PRUNE2: variants seen among roughly 807,000 people sequenced by gnomAD.
The protein encoded by PRUNE2 is protein prune homolog 2.
In PRUNE2, 164 loss-of-function variants were observed where a neutral mutation model predicts 252.0. The ratio of observed to expected loss-of-function variants is 0.65; its 90% CI spans 0.57 to 0.74. PRUNE2 has a LOEUF of 0.74. Among genes scored for constraint, PRUNE2 ranks in the 30% least tolerant of loss-of-function variants. PRUNE2 has a pLI of 0.00. For synonymous variants in PRUNE2, 1,292 were observed against 1,350.2 expected (o/e 0.96, Z 0.94); for missense variants, 3,495 against 3,711.0 (o/e 0.94, Z 1.51).
At chr9:76,637,707 T>C (rs114345171) in intron 13 of PRUNE2, among the ~76,000 whole-genome samples, 158 bp from the exon 14 acceptor site, 4,384 of 152,290 alleles carry the variant, frequency 0.029, 228 homozygotes, top group African/African-American at 0.1. Flanking sequence ...AGCATTCCTC[T>C]GAGAGTATTA....
At chr9:76,768,162 C>G (rs2052632370) in intron 6 of PRUNE2, among the ~76,000 whole-genome samples, 1 of 152,016 alleles carries the variant, frequency 6.6e-6, no homozygotes, top group Non-Finnish European at 1.5e-5. Context: ...TTGGCTATAC[C>G]TTGCCCTTGA....
chr9:76,656,485 G>A (rs751448014), intron 9 of PRUNE2, among the ~76,000 whole-genome samples: 9 of 152,044 alleles, frequency 5.9e-5, no homozygotes, highest in Non-Finnish European at 1.3e-4. Flanking sequence ...ACTATGTAAC[G>A]CTGGATCTAC....
intron 6 of PRUNE2, among the ~76,000 whole-genome samples, chr9:76,729,039 T>A (rs1279417615): frequency 6.6e-6 from 1 of 152,228 alleles, no homozygotes; most frequent in African/African-American, 2.4e-5. Flanking sequence ...ACCTTATGTA[T>A]GTTAGAAATA....
Position 76,710,722 on chromosome 9 carries a change from C to T in PRUNE2, c.1552G>A (p.Ala518Thr). ...TCACTGTTGGGGAAGAAGTCATCTG[C>T]TGGGGAGTAGTCTGCAGAATGAGAA... ...QSSHSADYSPADDFFPNSDLS... is the reference protein window; with the variant it reads ...QSSHSADYSPTDDFFPNSDLS... The change falls in exon 8 of 19, where the codon GCA becomes ACA. Residue 518 changes from alanine (A) to threonine (T), a missense_variant. Transcript: ENST00000376718. 1 of 1,612,822 alleles carries T rather than the reference C, an allele frequency of 6.2e-7. No homozygotes were observed. Among genetic ancestry groups the T allele is most frequent in the Non-Finnish European group, 8.5e-7 (1 of 1,179,416 alleles).
intron 1 of PRUNE2, among the ~76,000 whole-genome samples, chr9:76,890,747 AG>A (rs1197759061): frequency 6.9e-6 from 1 of 145,386 alleles, no homozygotes; most frequent in African/African-American, 2.6e-5. Context: ...TCATCCAATT[AG>A]ACAACAGACT....
intron 1 of PRUNE2, among the ~76,000 whole-genome samples, chr9:76,902,331 A>G (rs1176104146): frequency 1.3e-5 from 2 of 152,206 alleles, no homozygotes; most frequent in African/African-American, 4.8e-5. Context: ...TACCATAGAA[A>G]TGATGTAACT....
chr9:76,848,999 C>T (rs1369095875), intron 3 of PRUNE2, among the ~76,000 whole-genome samples: 3 of 152,160 alleles, frequency 2.0e-5, no homozygotes, highest in Non-Finnish European at 4.4e-5. Flanking sequence ...GCCTCAACCT[C>T]CCAGGCTCAA....
chr9:76,666,574 C>G (rs989402984), intron 9 of PRUNE2, among the ~76,000 whole-genome samples: 3 of 152,160 alleles, frequency 2.0e-5, no homozygotes, highest in African/African-American at 7.2e-5. Context: ...GGGAAGGGCC[C>G]CCTGTCCAGT....
chr9:76,797,123 G>A lies in PRUNE2; in HGVS notation c.756+26509C>T, dbSNP rs182671453. Among the ~76,000 whole-genome samples, 518 of 152,162 alleles carry A rather than the reference G, an allele frequency of 3.4e-3. 4 individuals are homozygous for A. The highest frequency in any genetic ancestry group is 0.012 in the African/African-American group (496 of 41,494). On this transcript the variant is annotated intron_variant, in intron 6 of 18. Coordinates refer to ENST00000376718, the MANE Select transcript of PRUNE2 (RefSeq NM_015225.3). ...GGGTTTACTTTACATTTTGATCACT[G>A]TGTACTGTTAAAATTTTCTAACTTT...
At position 76,882,503 on chromosome 9, in the gene PRUNE2, G is replaced by A. The variant is rs12005127; in HGVS notation, c.36+23425C>T. Among the ~76,000 whole-genome samples the A allele has an allele frequency of 2.5e-3, 376 of 152,316 alleles. 3 individuals carry two copies. The highest frequency in any genetic ancestry group is 8.1e-3 in the African/African-American group (337 of 41,554). On this transcript the variant is annotated intron_variant, in intron 1 of 18. Coordinates refer to ENST00000376718, the MANE Select transcript of PRUNE2 (RefSeq NM_015225.3). Reference sequence around the variant, plus strand: ...CTGCAGGCTGTACAGGAAGCATGATGCTGGCATCTGCTCAGCTTCCAGGGA... The same window carrying A: ...CTGCAGGCTGTACAGGAAGCATGATACTGGCATCTGCTCAGCTTCCAGGGA...
At chr9:76,778,571 A>G (rs2131138137) in intron 6 of PRUNE2, 1 of 152,310 alleles carries the variant, frequency 6.6e-6, no homozygotes, top group East Asian at 1.9e-4. Context: ...CTGGAGCTGA[A>G]GTTTAGCCCA....
chr9:76,749,425 T>C (rs1204421648), intron 6 of PRUNE2, among the ~76,000 whole-genome samples: 1 of 152,248 alleles, frequency 6.6e-6, no homozygotes, highest in Non-Finnish European at 1.5e-5. Flanking sequence ...AATCCATCTA[T>C]GACCTGTAAG....
At chr9:76,658,311 T>C (rs1289065269) in intron 9 of PRUNE2, among the ~76,000 whole-genome samples, 1 of 152,136 alleles carries the variant, frequency 6.6e-6, no homozygotes, top group Non-Finnish European at 1.5e-5. Context: ...TGAGCTGAGA[T>C]GGTGCCATTG....
At position 76,709,009 on chromosome 9, in the gene PRUNE2, T is replaced by G. The variant is rs578238902; in HGVS notation, c.3265A>C (p.Asn1089His). The part of the protein sequence containing the change: ...YDDPSMMQLY[N>H]ETNRQLTLLH... The stretch of plus-strand genomic sequence containing the variant: ...AGTGTGAGTTGTCGGTTTGTTTCAT[T>G]GTACAGTTGCATCATGCTGGGGTCG... Residue 1089 changes from asparagine to histidine, a missense_variant, in exon 8 of 19, where the codon AAT (asparagine) becomes CAT (histidine). Coordinates refer to ENST00000376718, the MANE Select transcript of PRUNE2 (RefSeq NM_015225.3). 132 of 1,614,010 alleles carry G rather than the reference T, an allele frequency of 8.2e-5. No homozygotes were observed. In the South Asian group the frequency reaches 1.3e-3, roughly 15 times the overall value.
chr9:76,846,504 C>T lies in PRUNE2; in HGVS notation c.508+11G>A. On this transcript the variant is annotated intron_variant, in intron 4 of 18. Coordinates refer to ENST00000376718, the MANE Select transcript of PRUNE2 (RefSeq NM_015225.3). ...GCCTTCCAGTATTTAATAGGAAGAG[C>T]CATCTCTCACCTCTGAGGCGATGAG... The T allele has an allele frequency of 6.2e-7, 1 of 1,606,974 alleles. No individual in the cohort carries two copies. Among genetic ancestry groups the T allele is most frequent in the South Asian group, 1.1e-5 (1 of 90,724 alleles).
At chr9:76,731,411 C>T (rs1301943726) in intron 6 of PRUNE2, among the ~76,000 whole-genome samples, 1 of 151,168 alleles carries the variant, frequency 6.6e-6, no homozygotes, top group Non-Finnish European at 1.5e-5. Context: ...CAGTCTTGAC[C>T]TCCCAGGCTC....
chr9:76,677,529 G>A (rs1278933883), intron 9 of PRUNE2, among the ~76,000 whole-genome samples: 1 of 152,226 alleles, frequency 6.6e-6, no homozygotes, highest in Non-Finnish European at 1.5e-5. Context: ...CAGAGGCTGA[G>A]GGCGCTGCTG....
intron 9 of PRUNE2, among the ~76,000 whole-genome samples, chr9:76,684,339 C>T (rs369359688): frequency 3.3e-5 from 5 of 152,218 alleles, no homozygotes; most frequent in Middle Eastern, 3.4e-3. Context: ...GCCTGGCCTG[C>T]TAGTTTGTCT....
chr9:76,827,303 C>T (rs371674105), intron 4 of PRUNE2, among the ~76,000 whole-genome samples: 54 of 152,298 alleles, frequency 3.5e-4, no homozygotes, highest in Admixed American at 1.1e-3. Flanking sequence ...AAGTCATTTA[C>T]AATTATCTAA....
Sources: allele counts gnomAD v4.1 joint callset (sites outside exome capture counted in the v4.1 genomes callset), GRCh38; gene constraint gnomAD v4.1.1; transcripts MANE v1.5; gene names NCBI Gene and HGNC (gene_info 2026-07-23, HGNC 2026-07-21).